NOVA2: variants seen among roughly 807,000 people sequenced by gnomAD.
NOVA2 encodes the protein NOVA alternative splicing regulator 2.
Under a neutral mutation model 22.5 loss-of-function variants are expected in NOVA2, and 9 were observed. That is an observed-to-expected ratio of 0.40 (90% CI 0.24 to 0.70). The LOEUF (loss-of-function observed/expected upper bound fraction) is 0.70, where lower values mean the gene tolerates loss of function less well. Ranked by LOEUF, NOVA2 falls within the 30% of genes least tolerant of loss-of-function variation. The probability of loss-of-function intolerance (pLI) is 0.38; values close to 1 mark genes in which losing one functional copy is unlikely to be tolerated. For missense variants in NOVA2, 383 were observed against 682.8 expected (o/e 0.56, Z 4.89); for synonymous variants, 318 against 335.2 (o/e 0.95, Z 0.56).
chr19:45,956,529 G>A (rs1291930336), intron 2 of NOVA2, among the ~76,000 whole-genome samples: 3 of 151,936 alleles, frequency 2.0e-5, no homozygotes, highest in East Asian at 1.9e-4. Flanking sequence ...GGAGTGCAGC[G>A]GTGCGATCTC....
rs996720178 is a variant in NOVA2, at chr19:45,934,942, C to G, written c.*4921G>C. The G allele has an allele frequency of 7.2e-5, 11 of 152,006 alleles. No homozygotes were observed. The highest frequency in any genetic ancestry group is 2.0e-4 in the Admixed American group (3 of 15,242). The allele number at this position is 152,006 out of a possible 1,614,324, so 9.4% of individuals were successfully genotyped here. The stretch of plus-strand genomic sequence containing the variant: ...GGTAGCAACTGCCCCTAGCCTCCCC[C>G]CTCCCCCCTGCCGGACACACAGTTT... On this transcript the variant is annotated 3_prime_UTR_variant, in exon 4 of 4. Transcript: ENST00000263257.
chr19:45,939,676 C>T lies in NOVA2; in HGVS notation c.*187G>A. 1 of 715,834 alleles carries T rather than the reference C, an allele frequency of 1.4e-6. No homozygotes were observed. Among genetic ancestry groups the T allele is most frequent in the Non-Finnish European group, 2.2e-6 (1 of 446,326 alleles). The allele number at this position is 715,834 out of a possible 1,614,324, so 44.3% of individuals were successfully genotyped here. On this transcript the variant is annotated 3_prime_UTR_variant, in exon 4 of 4. Transcript: ENST00000263257. ...GGGCTGGGGAGGGGGCTTCTGAGCC[C>T]CCTTCCCAACCGTCACTCAATCCTG... is the stretch of plus-strand genomic sequence containing the variant.
chr19:45,935,194 G>C lies in NOVA2; in HGVS notation c.*4669C>G, dbSNP rs1967639696. ...CCCCCCAGTTATCTCTGGGAGACAA[G>C]TGTCCTGGACTGGTTGAGAAGGGAT... On this transcript the variant is annotated 3_prime_UTR_variant, in exon 4 of 4. Transcript: ENST00000263257. 6.6e-6 allele frequency: 1 copy of C among 151,906 alleles called. No individual in the cohort carries two copies. The highest frequency in any genetic ancestry group is 2.4e-5 in the African/African-American group (1 of 41,284). 9.4% of individuals were successfully genotyped at this position (151,906 alleles called of 1,614,324 possible). A position where few individuals can be genotyped will look rare whatever the true frequency, so the allele number is the denominator to read the frequency against.
At chr19:45,966,514 C>T (rs981659899) in intron 1 of NOVA2, among the ~76,000 whole-genome samples, 12 of 151,932 alleles carry the variant, frequency 7.9e-5, no homozygotes, top group Non-Finnish European at 1.3e-4. Flanking sequence ...GGGATCTGCT[C>T]ACCTTAGCCT....
In NOVA2 at chr19:45,934,702, G is replaced by T. The variant is rs1967633184; in HGVS notation, c.*5161C>A. 2 of 152,276 alleles carry T rather than the reference G, an allele frequency of 1.3e-5. No homozygotes were observed. Among genetic ancestry groups the T allele is most frequent in the Non-Finnish European group, 2.9e-5 (2 of 68,154 alleles). 9.4% of individuals were successfully genotyped at this position (152,276 alleles called of 1,614,324 possible). ...CAATGAAGGCGTGGGGAGTGTGTGG[G>T]GGGCACACGAAGGAGGGGGTCAGAG... On this transcript the variant is annotated 3_prime_UTR_variant, in exon 4 of 4. Transcript: ENST00000263257.
At chr19:45,968,752 T>C (rs1293520592) in intron 1 of NOVA2, among the ~76,000 whole-genome samples, 1 of 151,586 alleles carries the variant, frequency 6.6e-6, no homozygotes, top group Non-Finnish European at 1.5e-5. Flanking sequence ...AGGCTCAGAG[T>C]AGTGAAATAA....
chr19:45,946,856 T>G (rs1350968293), intron 3 of NOVA2, among the ~76,000 whole-genome samples: 2 of 140,626 alleles, frequency 1.4e-5, no homozygotes, highest in African/African-American at 2.7e-5. Context: ...GCCTGGTGAG[T>G]GAGCAAGACT....
intron 3 of NOVA2, among the ~76,000 whole-genome samples, chr19:45,949,866 G>A (rs1967897853): frequency 6.6e-6 from 1 of 151,656 alleles, no homozygotes; most frequent in Non-Finnish European, 1.5e-5. Context: ...TCAGCCGCTG[G>A]GGTAGCTGGG....
chr19:45,952,575 G>C (rs1056286851), intron 3 of NOVA2, among the ~76,000 whole-genome samples: 1 of 152,246 alleles, frequency 6.6e-6, no homozygotes, highest in Non-Finnish European at 1.5e-5. Flanking sequence ...CATTTTCCTT[G>C]CAACATTCAC....
intron 2 of NOVA2, 26 bp from the exon 3 acceptor site, chr19:45,953,972 A>G (rs746890610): frequency 6.8e-6 from 11 of 1,612,172 alleles, no homozygotes; most frequent in Non-Finnish European, 9.3e-6. Context: ...GAGAGAGGGC[A>G]CACTCATGAG....
intron 2 of NOVA2, among the ~76,000 whole-genome samples, chr19:45,957,984 T>A (rs1475432991): frequency 6.6e-6 from 1 of 150,960 alleles, no homozygotes; most frequent in African/African-American, 2.4e-5. Context: ...TAGTGGCACA[T>A]GCCTGTAGTC....
At chr19:45,949,255 A>G (rs1967887058) in intron 3 of NOVA2, among the ~76,000 whole-genome samples, 2 of 151,770 alleles carry the variant, frequency 1.3e-5, no homozygotes, top group Admixed American at 6.6e-5. Context: ...CAAAACTACT[A>G]AACTGTACAC....
At chr19:45,946,026 C>T (rs1475389407) in intron 3 of NOVA2, among the ~76,000 whole-genome samples, 4 of 147,670 alleles carry the variant, frequency 2.7e-5, no homozygotes, top group African/African-American at 1.0e-4. Context: ...AAAAAAAGGC[C>T]AGGCATGGTG....
At chr19:45,958,196 G>C (rs1001498827) in intron 2 of NOVA2, among the ~76,000 whole-genome samples, 1 of 151,966 alleles carries the variant, frequency 6.6e-6, no homozygotes, top group African/African-American at 2.4e-5. Flanking sequence ...GCAGGTGCTT[G>C]CCTTTTTCTG....
intron 2 of NOVA2, among the ~76,000 whole-genome samples, chr19:45,954,855 GGTGTGT>G (rs10598680): frequency 0.073 from 10,508 of 144,660 alleles, 417 homozygotes; most frequent in African/African-American, 0.096. Flanking sequence ...GCTGGTGAGT[GGTGTGT>G]GTGTGTGTGT....
intron 1 of NOVA2, chr19:45,962,150 G>A (rs1243968418): frequency 1.3e-5 from 2 of 153,634 alleles, no homozygotes; most frequent in Non-Finnish European, 2.9e-5. Context: ...TGGGAGAGGT[G>A]GGGGCCCAGT....
At chr19:45,955,845 G>A (rs34793048) in intron 2 of NOVA2, among the ~76,000 whole-genome samples, 9,881 of 151,498 alleles carry the variant, frequency 0.065, 808 homozygotes, top group African/African-American at 0.17. Context: ...CGGCAGAGCG[G>A]GACTCCGTCT....
At position 45,940,065 on chromosome 19, in the gene NOVA2, C is replaced by T; in HGVS notation, c.1277G>A (p.Gly426Asp). Residue 426 changes from glycine to aspartate, a missense_variant, in exon 4 of 4, where the codon GGC becomes GAC. Transcript: ENST00000263257. ...NLVGAILGKG[G>D]KTLVEYQELT... is the part of the protein sequence containing the mutation. ...CTCCTGGTACTCCACCAACGTCTTGCCCCCCTTCCCCAGGATGGCTCCCAC... is the reference window on the plus strand; with the variant it reads ...CTCCTGGTACTCCACCAACGTCTTGTCCCCCTTCCCCAGGATGGCTCCCAC... The T allele has an allele frequency of 6.2e-7, 1 of 1,613,958 alleles. No individual in the cohort carries two copies.
At chr19:45,970,070 C>T (rs1232963397) in intron 1 of NOVA2, among the ~76,000 whole-genome samples, 2 of 152,198 alleles carry the variant, frequency 1.3e-5, no homozygotes, top group African/African-American at 4.8e-5. Context: ...CGCCTAAGTT[C>T]ACATCATGGT....
Sources: allele counts gnomAD v4.1 joint callset (sites outside exome capture counted in the v4.1 genomes callset), GRCh38; gene constraint gnomAD v4.1.1; transcripts MANE v1.5; gene names NCBI Gene and HGNC (gene_info 2026-07-23, HGNC 2026-07-21).